The following BUD13 variants were observed in gnomAD, a reference collection of about 807,000 sequenced individuals.
The protein encoded by BUD13 is BUD13 spliceosome associated protein.
A neutral mutation model predicts 62.5 loss-of-function variants in BUD13; 47 were observed. The observed-to-expected ratio is 0.75, with a 90% confidence interval of 0.60 to 0.96. BUD13 has a LOEUF of 0.96. Ranked by LOEUF, BUD13 falls within the 40% of genes least tolerant of loss-of-function variation. The pLI is 0.00. For missense variants in BUD13, 821 were observed against 790.9 expected (o/e 1.04, Z -0.46); for synonymous variants, 293 against 280.1 (o/e 1.05, Z -0.46).
chr11:116,753,685 A>C (rs1287675111), intron 9 of BUD13, among the ~76,000 whole-genome samples: 1 of 152,264 alleles, frequency 6.6e-6, no homozygotes, highest in Admixed American at 6.5e-5. Flanking sequence ...CAATTAGCAG[A>C]CAGGACTTCA....
chr11:116,751,707 C>T (rs867026090), intron 9 of BUD13, among the ~76,000 whole-genome samples: 1 of 152,060 alleles, frequency 6.6e-6, no homozygotes, highest in Admixed American at 6.5e-5. Flanking sequence ...TCCAAAGCAC[C>T]AAGGAAACCA....
chr11:116,767,717 T>A (rs1306354222), intron 2 of BUD13, among the ~76,000 whole-genome samples: 1 of 151,866 alleles, frequency 6.6e-6, no homozygotes, highest in Admixed American at 6.6e-5. Flanking sequence ...CTAACACCTG[T>A]AATCCCAACA....
intron 9 of BUD13, among the ~76,000 whole-genome samples, chr11:116,755,655 TAC>T (rs1940308833): frequency 6.6e-6 from 1 of 152,174 alleles, no homozygotes. Flanking sequence ...AACAGACAAA[TAC>T]AGAGTCAAGT....
chr11:116,762,418 C>T, intron 4 of BUD13, 135 bp downstream of exon 4: 2 of 726,160 alleles, frequency 2.8e-6, no homozygotes, highest in Non-Finnish European at 4.5e-6. Flanking sequence ...TTGTTCAACT[C>T]TCCCAAACCC....
In BUD13 at chr11:116,772,985, G is replaced by T; in HGVS notation, c.-21C>A. 6.6e-7 allele frequency: 1 copy of T among 1,520,290 alleles called. No homozygotes were observed. The highest frequency in any genetic ancestry group is 8.9e-7 in the Non-Finnish European group (1 of 1,127,862). 94.2% of individuals were successfully genotyped at this position (1,520,290 alleles called of 1,614,324 possible). A position where few individuals can be genotyped will look rare whatever the true frequency, so the allele number is the denominator to read the frequency against. ...GCCATGGCAGCGGCGGGGGCAGAGA[G>T]ACGGGTCGGCGCTGGGGACAAAATG... On this transcript the variant is annotated 5_prime_UTR_variant, in exon 1 of 10. Coordinates refer to ENST00000260210, the MANE Select transcript of BUD13 (RefSeq NM_032725.4).
At chr11:116,757,391 G>A (rs1348041015) in intron 8 of BUD13, among the ~76,000 whole-genome samples, 164 bp from the exon 9 acceptor site, 1 of 152,076 alleles carries the variant, frequency 6.6e-6, no homozygotes, top group East Asian at 1.9e-4. Context: ...TGCCTCCTGG[G>A]TTCAAGCAAT....
intron 9 of BUD13, among the ~76,000 whole-genome samples, chr11:116,751,869 A>G (rs923750256): frequency 1.3e-5 from 2 of 152,240 alleles, no homozygotes; most frequent in African/African-American, 4.8e-5. Context: ...CCAGAGAATC[A>G]GGAACGCAGA....
At chr11:116,766,682 C>T (rs1260514154) in intron 2 of BUD13, among the ~76,000 whole-genome samples, 4 of 152,184 alleles carry the variant, frequency 2.6e-5, no homozygotes. Context: ...ATGATAAATG[C>T]CCAATAAATG....
chr11:116,765,010 A>C (rs535628381), intron 3 of BUD13, among the ~76,000 whole-genome samples: 3 of 152,172 alleles, frequency 2.0e-5, no homozygotes, highest in South Asian at 2.1e-4. Flanking sequence ...AGTGGTAGCT[A>C]AAGTCCCCAA....
At position 116,772,979 on chromosome 11, in the gene BUD13, C is replaced by A. The variant is rs1185310431; in HGVS notation, c.-15G>T. ...GCTGCCGCCATGGCAGCGGCGGGGG[C>A]AGAGAGACGGGTCGGCGCTGGGGAC... On this transcript the variant is annotated 5_prime_UTR_variant, in exon 1 of 10. Transcript: ENST00000260210. 6.6e-7 allele frequency: 1 copy of A among 1,525,550 alleles called. No homozygotes were observed. The highest frequency in any genetic ancestry group is 8.8e-7 in the Non-Finnish European group (1 of 1,130,554). 94.5% of individuals were successfully genotyped at this position (1,525,550 alleles called of 1,614,324 possible).
chr11:116,751,465 C>T (rs1940232282), intron 9 of BUD13, among the ~76,000 whole-genome samples: 2 of 151,918 alleles, frequency 1.3e-5, no homozygotes, highest in African/African-American at 4.8e-5. Context: ...CCTGTCTCTA[C>T]TAAAAATACA....
Position 116,763,176 on chromosome 11 carries a change from G to C in BUD13, c.413C>G (p.Pro138Arg), listed in dbSNP as rs771809421. 1.2e-6 allele frequency: 2 copies of C among 1,600,212 alleles called. No individual in the cohort carries two copies. Among genetic ancestry groups the C allele is most frequent in the Non-Finnish European group, 1.7e-6 (2 of 1,172,250 alleles). ...GTCATGACGGTCCTTCCTAGGAGAT[G>C]GATCTGGGGTACCATGACGGACCCT... ...PRRVRHGTPD[P>R]SPRKDRHDTP... The change falls in exon 4 of 10, where the codon CCA (proline) becomes CGA (arginine). Residue 138 changes from proline to arginine, a missense_variant. Pro to Arg is a moderately radical substitution (Grantham distance 103). Around this residue, in one of 2 missense-constraint regions of BUD13, gnomAD observed 800 missense variants for 739.2 expected, o/e 1.08. Transcript: ENST00000260210.
Position 116,768,737 on chromosome 11 carries a change from C to T in BUD13, c.237+1392G>A, listed in dbSNP as rs146028546. On this transcript the variant is annotated intron_variant, in intron 2 of 9. Coordinates refer to ENST00000260210, the MANE Select transcript of BUD13 (RefSeq NM_032725.4). ...GCTGGGAATTGGCCAGGTGCAGTGG[C>T]TCACACATGTAATCCCAGCCCTTCA... is the stretch of plus-strand genomic sequence containing the variant. 3.6e-3 allele frequency among the ~76,000 whole-genome samples: 554 copies of T among 152,216 alleles called. 1 individual carries two copies. The highest frequency in any genetic ancestry group is 0.013 in the African/African-American group (543 of 41,508).
chr11:116,764,512 CTG>C lies in BUD13; in HGVS notation c.322+848_322+849del, dbSNP rs137987268. Among the ~76,000 whole-genome samples, 340 of 151,188 alleles carry C rather than the reference CTG, an allele frequency of 2.2e-3. 7 individuals carry two copies. Among genetic ancestry groups the C allele is most frequent in the Admixed American group, 0.017 (265 of 15,174 alleles). On this transcript the variant is annotated intron_variant, in intron 3 of 9. Transcript: ENST00000260210. The stretch of plus-strand genomic sequence containing the variant: ...AAGGAGTGAGTGAGTGTGAGTGTGA[CTG>C]TGTGTGTGTGTGACTGACCTTCTAA...
At chr11:116,767,975 A>AAATAATAATAATAATAAT (rs57099961) in intron 2 of BUD13, among the ~76,000 whole-genome samples, 5 of 143,672 alleles carry the variant, frequency 3.5e-5, no homozygotes, top group African/African-American at 1.0e-4. Context: ...CCTGTCTCAA[A>AAATAATAATAATAATAAT]AATAATAATA....
rs183852583 is a variant in BUD13, at chr11:116,760,470, T to C, written c.1254+265A>G. Reference sequence around the variant, plus strand: ...TATTCCTAAGAAAATAGGAAGTTTTTCTAGACCTGTTAAAATGAGATTGTA... The same window carrying C: ...TATTCCTAAGAAAATAGGAAGTTTTCCTAGACCTGTTAAAATGAGATTGTA... On this transcript the variant is annotated intron_variant, in intron 5 of 9. Coordinates refer to ENST00000260210, the MANE Select transcript of BUD13 (RefSeq NM_032725.4). Among the ~76,000 whole-genome samples the C allele has an allele frequency of 8.1e-4, 123 of 152,326 alleles. 2 individuals are homozygous for C. The Middle Eastern group carries it at 0.031, about 38-fold the overall frequency.
intron 1 of BUD13, among the ~76,000 whole-genome samples, chr11:116,770,758 T>C (rs1025187748): frequency 6.6e-6 from 1 of 151,974 alleles, no homozygotes; most frequent in African/African-American, 2.4e-5. Flanking sequence ...CCTCCCAAAG[T>C]GCTGGGATTA....
rs1423985288 is a variant in BUD13 at position 116,763,135 on chromosome 11, G to C, written c.454C>G (p.Pro152Ala). 1 of 1,598,034 alleles carries C rather than the reference G, an allele frequency of 6.3e-7. No individual in the cohort carries two copies. Among genetic ancestry groups the C allele is most frequent in the Non-Finnish European group, 8.6e-7 (1 of 1,167,258 alleles). ...GGGGTGTCATGACGGGCCCTCCTAG[G>C]AGATGGATCCGGGGTGTCATGACGG... ...KDRHDTPDPS[P>A]RRARHDTPDP... The change falls in exon 4 of 10, where the codon CCT becomes GCT. Residue 152 changes from proline (P) to alanine (A), a missense_variant. Physicochemically the swap from Pro to Ala is conservative, Grantham distance 27. Coordinates refer to ENST00000260210, the MANE Select transcript of BUD13 (RefSeq NM_032725.4).
intron 9 of BUD13, among the ~76,000 whole-genome samples, chr11:116,756,152 A>G (rs1288031412): frequency 6.6e-6 from 1 of 152,062 alleles, no homozygotes; most frequent in Non-Finnish European, 1.5e-5. Flanking sequence ...AGATTGCACC[A>G]CTGCACTCCA....
Sources: allele counts gnomAD v4.1 joint callset (sites outside exome capture counted in the v4.1 genomes callset), GRCh38; gene constraint gnomAD v4.1.1; regional missense constraint gnomAD v4.1.1; transcripts MANE v1.5; gene names NCBI Gene and HGNC (gene_info 2026-07-23, HGNC 2026-07-21).